The following SH3KBP1 variants were observed in gnomAD, a reference collection of about 807,000 sequenced individuals.
SH3KBP1 encodes SH3 domain-containing kinase-binding protein 1.
A neutral mutation model predicts 50.1 loss-of-function variants in SH3KBP1; 8 were observed. The ratio of observed to expected loss-of-function variants is 0.16; its 90% CI spans 0.09 to 0.29. The LOEUF is 0.29. SH3KBP1 is among the 10% of genes least tolerant of loss of function. SH3KBP1 has a pLI of 1.00. For synonymous variants in SH3KBP1, 227 were observed against 218.6 expected, an observed-to-expected ratio of 1.04 and a Z score of -0.34; for missense variants, 377 against 535.2, an observed-to-expected ratio of 0.70 and a Z score of 2.92.
At chrX:19,709,994 C>T (rs992625676) in intron 3 of SH3KBP1, among the ~76,000 whole-genome samples, 1 of 111,329 alleles carries the variant, frequency 9.0e-6, no homozygotes. Flanking sequence ...CTTGCCTATG[C>T]CTGAGGTTTG....
At chrX:19,671,592 C>T (rs1210228098) in intron 6 of SH3KBP1, among the ~76,000 whole-genome samples, 3 of 111,751 alleles carry the variant, frequency 2.7e-5, no homozygotes, top group Non-Finnish European at 3.8e-5. Flanking sequence ...GAATCTAGAG[C>T]GCAGTGGTTA....
At chrX:19,643,727 C>T (rs1303209668) in intron 7 of SH3KBP1, among the ~76,000 whole-genome samples, 1 of 111,449 alleles carries the variant, frequency 9.0e-6, no homozygotes, top group African/African-American at 3.3e-5. Flanking sequence ...TTTGGCTCTT[C>T]CATCAGCTGT....
intron 12 of SH3KBP1, among the ~76,000 whole-genome samples, chrX:19,588,082 A>G (rs2066621594): frequency 9.0e-6 from 1 of 111,708 alleles, no homozygotes; most frequent in South Asian, 3.8e-4. Flanking sequence ...TGTCAAGCAC[A>G]TCTCAGAACA....
At chrX:19,539,079 A>T (rs2064807403) in intron 16 of SH3KBP1, among the ~76,000 whole-genome samples, 1 of 112,110 alleles carries the variant, frequency 8.9e-6, no homozygotes, top group African/African-American at 3.2e-5. Context: ...TTCCAACATT[A>T]AAAATAATGA....
rs937064742 is a variant in SH3KBP1 at position 19,848,973 on chromosome X, T to C, written c.5-12691A>G. Among the ~76,000 whole-genome samples the C allele has an allele frequency of 4.5e-5, 5 of 110,827 alleles. No individual in the cohort carries two copies. In the East Asian group the frequency reaches 1.4e-3, roughly 31 times the overall value. ...AATTTCTTTTAAATTTCATGGCTTATTTTTTAAAGTTTTTGTTCAGAGATG... is the reference window on the plus strand; with the variant it reads ...AATTTCTTTTAAATTTCATGGCTTACTTTTTAAAGTTTTTGTTCAGAGATG... On this transcript the variant is annotated intron_variant, in intron 1 of 17. Transcript: ENST00000397821.
At chrX:19,815,486 C>T in intron 2 of SH3KBP1, among the ~76,000 whole-genome samples, 1 of 111,255 alleles carries the variant, frequency 9.0e-6, no homozygotes, top group East Asian at 2.8e-4. Flanking sequence ...ATTCCGTTTT[C>T]ATCAGTCATT....
intron 4 of SH3KBP1, among the ~76,000 whole-genome samples, chrX:19,697,895 T>C (rs2063457726): frequency 8.9e-6 from 1 of 111,740 alleles, no homozygotes; most frequent in South Asian, 3.7e-4. Context: ...AGAGTGGCAA[T>C]TACATTTGCA....
At chrX:19,706,178 G>C (rs2063648491) in intron 4 of SH3KBP1, among the ~76,000 whole-genome samples, 1 of 111,750 alleles carries the variant, frequency 8.9e-6, no homozygotes, top group African/African-American at 3.3e-5. Context: ...ATGGAAAACT[G>C]TGTTTCTAGA....
At chrX:19,612,934 G>C (rs1032137288) in intron 8 of SH3KBP1, among the ~76,000 whole-genome samples, 1 of 112,425 alleles carries the variant, frequency 8.9e-6, no homozygotes, top group Non-Finnish European at 1.9e-5. Flanking sequence ...AGAGAAGAGG[G>C]AGAGAGGAAA....
At chrX:19,709,054 A>C (rs193082968) in intron 3 of SH3KBP1, among the ~76,000 whole-genome samples, 1 of 112,433 alleles carries the variant, frequency 8.9e-6, no homozygotes, top group East Asian at 2.8e-4. Flanking sequence ...TTCTTAGAGA[A>C]AAGACTAACC....
intron 2 of SH3KBP1, among the ~76,000 whole-genome samples, chrX:19,773,856 GAAAAAAAAA>G (rs59381892): frequency 1.1e-3 from 17 of 14,922 alleles, no homozygotes; most frequent in African/African-American, 5.3e-3. Flanking sequence ...ACTCCGGCTC[GAAAAAAAAA>G]AAAAAAAAAA....
chrX:19,849,274 T>C (rs1321008570), intron 1 of SH3KBP1, among the ~76,000 whole-genome samples: 2 of 111,538 alleles, frequency 1.8e-5, no homozygotes, highest in African/African-American at 6.5e-5. Flanking sequence ...TCCGAAAATA[T>C]GTTAAATGGC....
At chrX:19,696,489 G>C (rs963691376) in intron 4 of SH3KBP1, among the ~76,000 whole-genome samples, 3 of 111,361 alleles carry the variant, frequency 2.7e-5, no homozygotes, top group African/African-American at 3.3e-5. Context: ...GAACCGAAAG[G>C]GGGTAGGTAG....
intron 1 of SH3KBP1, among the ~76,000 whole-genome samples, chrX:19,880,942 C>T (rs372306427): frequency 8.9e-6 from 1 of 111,823 alleles, no homozygotes; most frequent in African/African-American, 3.3e-5. Context: ...CCAGAAAGAA[C>T]GCAACCCTGC....
At chrX:19,722,248 G>A (rs907500457) in intron 3 of SH3KBP1, among the ~76,000 whole-genome samples, 71 of 111,154 alleles carry the variant, frequency 6.4e-4, no homozygotes, top group African/African-American at 2.1e-3. Flanking sequence ...AGTGGCTGGC[G>A]AGAGCCCCAC....
intron 12 of SH3KBP1, among the ~76,000 whole-genome samples, chrX:19,581,895 C>T (rs2066386525): frequency 9.2e-6 from 1 of 108,929 alleles, no homozygotes; most frequent in African/African-American, 3.4e-5. Context: ...GCGTGCTGCC[C>T]CTCCCCTTAT....
At chrX:19,814,386 G>A (rs1271529038) in intron 2 of SH3KBP1, among the ~76,000 whole-genome samples, 1 of 110,832 alleles carries the variant, frequency 9.0e-6, no homozygotes, top group Non-Finnish European at 1.9e-5. Context: ...AGCCTCCCCA[G>A]TTACTTCCCA....
In SH3KBP1 at chrX:19,668,853, CAAAAAAAAAAAA is replaced by C. The variant is rs751777350; in HGVS notation, c.726+14958_726+14969del. ...TGGGCGACAGGGTGAGACTGTGTCT[CAAAAAAAAAAAA>C]AAAAAAAAGTCTGGAAGGATACATA... is the stretch of plus-strand genomic sequence containing the variant. On this transcript the variant is annotated intron_variant, in intron 6 of 17. Transcript: ENST00000397821. Among the ~76,000 whole-genome samples the C allele has an allele frequency of 1.7e-4, 3 of 17,841 alleles. 1 individual carries two copies. The South Asian group carries it at 0.015, about 87-fold the overall frequency. 15.5% of individuals were successfully genotyped at this position (17,841 alleles called of 115,157 possible).
Position 19,545,926 on chromosome X carries a change from G to C in SH3KBP1, c.1619C>G (p.Ser540Cys). The change falls in exon 15 of 18, where the codon TCC (serine) becomes TGC (cysteine). Residue 540 changes from serine to cysteine, a missense_variant. Transcript: ENST00000397821. ...SKKTSKTVTI[S>C]QVSDNKASLP... ...TCGCCATGGCTGGTGACTCACTTGGGATATGGTAACAGTCTTGGAAGTTTT... is the reference window on the plus strand; with the variant it reads ...TCGCCATGGCTGGTGACTCACTTGGCATATGGTAACAGTCTTGGAAGTTTT... The C allele has an allele frequency of 1.7e-6, 2 of 1,211,129 alleles. No homozygotes were observed. Among genetic ancestry groups the C allele is most frequent in the Non-Finnish European group, 2.2e-6 (2 of 895,054 alleles).
Sources: allele counts gnomAD v4.1 joint callset (sites outside exome capture counted in the v4.1 genomes callset), GRCh38; gene constraint gnomAD v4.1.1; transcripts MANE v1.5; gene names NCBI Gene and HGNC (gene_info 2026-07-23, HGNC 2026-07-21).